The following MYO3B variants were observed in gnomAD, a reference collection of about 807,000 sequenced individuals.
The protein encoded by MYO3B is myosin-IIIb.
A neutral mutation model predicts 174.6 loss-of-function variants in MYO3B; 156 were observed. The ratio of observed to expected loss-of-function variants is 0.89; its 90% CI spans 0.78 to 1.02. The LOEUF (loss-of-function observed/expected upper bound fraction) is 1.02. MYO3B is among the 50% of genes least tolerant of loss of function. MYO3B has a pLI of 0.00. For synonymous variants in MYO3B, 563 were observed against 569.1 expected (o/e 0.99, Z 0.15); for missense variants, 1,632 against 1,639.4 (o/e 1.00, Z 0.08).
chr2:170,407,321 C>T (rs185011573), intron 21 of MYO3B, among the ~76,000 whole-genome samples: 1 of 151,990 alleles, frequency 6.6e-6, no homozygotes, highest in African/African-American at 2.4e-5. Context: ...ATTATCTGGG[C>T]GTGGTGACAT....
At position 170,289,556 on chromosome 2, in the gene MYO3B, C is replaced by CT. The variant is rs1333149518; in HGVS notation, c.750-45821dup. On this transcript the variant is annotated intron_variant, in intron 7 of 34. Coordinates refer to ENST00000408978, the MANE Select transcript of MYO3B (RefSeq NM_138995.5). ...ATTTATGAGGTCTCAGTTTTAATGT[C>CT]TTTTTTTTCATTTCTGACTTTATTT... Among the ~76,000 whole-genome samples the CT allele has an allele frequency of 6.6e-5, 10 of 151,666 alleles. 1 individual carries two copies. The East Asian group carries it at 9.7e-4, about 15-fold the overall frequency.
At chr2:170,640,691 C>T (rs1164658244) in intron 32 of MYO3B, 1 of 152,170 alleles carries the variant, frequency 6.6e-6, no homozygotes, top group Non-Finnish European at 1.5e-5. Context: ...TTAAATTCCT[C>T]TCACATTTAC....
chr2:170,515,996 T>A (rs1016189277), intron 29 of MYO3B, among the ~76,000 whole-genome samples: 1 of 152,156 alleles, frequency 6.6e-6, no homozygotes, highest in Non-Finnish European at 1.5e-5. Context: ...AAGAAGGGTG[T>A]CTGGCTATTA....
At chr2:170,595,997 A>G (rs1467955763) in intron 32 of MYO3B, among the ~76,000 whole-genome samples, 3 of 152,070 alleles carry the variant, frequency 2.0e-5, no homozygotes, top group Non-Finnish European at 2.9e-5. Context: ...TTCACCATCT[A>G]TTACACCTTT....
chr2:170,538,387 A>G (rs549873471), intron 30 of MYO3B, among the ~76,000 whole-genome samples: 90 of 152,212 alleles, frequency 5.9e-4, no homozygotes, highest in Admixed American at 1.4e-3. Context: ...CAAAATCATC[A>G]TCCCTCAATG....
At chr2:170,400,097 G>A in intron 16 of MYO3B, 91 bp from the exon 17 acceptor site, 1 of 1,534,048 alleles carries the variant, frequency 6.5e-7, no homozygotes, top group Non-Finnish European at 8.9e-7. Flanking sequence ...ATGGACTTTG[G>A]TAGACAACTA....
At chr2:170,597,882 G>C (rs1694253279) in intron 32 of MYO3B, among the ~76,000 whole-genome samples, 2 of 152,138 alleles carry the variant, frequency 1.3e-5, no homozygotes, top group African/African-American at 4.8e-5. Flanking sequence ...GAAAGATCAG[G>C]ACAATATCAG....
In MYO3B at chr2:170,407,759, T is replaced by G. The variant is rs749663413; in HGVS notation, c.2565T>G (p.Thr855=). 2.5e-6 allele frequency: 4 copies of G among 1,613,944 alleles called. No homozygotes were observed. In the Admixed American group the frequency reaches 6.7e-5, roughly 27 times the overall value. The change falls in exon 22 of 35, where the codon ACT becomes ACG. Residue 855 remains threonine, a synonymous_variant. Coordinates refer to ENST00000408978, the MANE Select transcript of MYO3B (RefSeq NM_138995.5). ...GGGTTCTTGAGAAAAATAGAGACACTCTCCCTGCCGATGTGGTTGTGGTCC... is the reference window on the plus strand; with the variant it reads ...GGGTTCTTGAGAAAAATAGAGACACGCTCCCTGCCGATGTGGTTGTGGTCC... ...ASGVLEKNRD[T]LPADVVVVLR...
chr2:170,228,214 C>T (rs1426067859), intron 6 of MYO3B, among the ~76,000 whole-genome samples: 1 of 152,162 alleles, frequency 6.6e-6, no homozygotes, highest in Non-Finnish European at 1.5e-5. Context: ...CCAAGAGATG[C>T]CTCACTCAGG....
At chr2:170,450,117 TA>T (rs1281945195) in intron 23 of MYO3B, among the ~76,000 whole-genome samples, 1 of 152,236 alleles carries the variant, frequency 6.6e-6, no homozygotes, top group Admixed American at 6.5e-5. Context: ...AAAGGCTTAA[TA>T]TACATTAAAT....
intron 30 of MYO3B, among the ~76,000 whole-genome samples, chr2:170,522,239 C>A (rs1490223630): frequency 6.6e-6 from 1 of 152,188 alleles, no homozygotes; most frequent in African/African-American, 2.4e-5. Context: ...CACACTCCTA[C>A]ACCCAACTCA....
chr2:170,303,089 A>G (rs571174536), intron 7 of MYO3B, among the ~76,000 whole-genome samples: 41 of 152,320 alleles, frequency 2.7e-4, no homozygotes, highest in African/African-American at 8.7e-4. Context: ...TAGAGCTACA[A>G]CAAAACTACT....
rs2094580049 is a variant in MYO3B, at chr2:170,416,541, A to G, written c.2650+8697A>G. Among the ~76,000 whole-genome samples, 4 of 151,242 alleles carry G rather than the reference A, an allele frequency of 2.6e-5. No individual in the cohort carries two copies. In the South Asian group the frequency reaches 8.3e-4, roughly 31 times the overall value. ...CCGTCTCAAAAAAAAAAAAAAAAAA[A>G]AAGATACCAACTAGATCATGTCATT... On this transcript the variant is annotated intron_variant, in intron 22 of 34. Coordinates refer to ENST00000408978, the MANE Select transcript of MYO3B (RefSeq NM_138995.5).
intron 32 of MYO3B, among the ~76,000 whole-genome samples, chr2:170,639,971 A>G (rs933957390): frequency 6.6e-6 from 1 of 152,194 alleles, no homozygotes; most frequent in African/African-American, 2.4e-5. Context: ...GATGGTGCCT[A>G]GAGCTTCCGC....
At chr2:170,594,748 C>G (rs1282402660) in intron 32 of MYO3B, among the ~76,000 whole-genome samples, 2 of 152,048 alleles carry the variant, frequency 1.3e-5, no homozygotes, top group Non-Finnish European at 2.9e-5. Context: ...TCACCACCTC[C>G]TCCTTGCAGC....
intron 32 of MYO3B, among the ~76,000 whole-genome samples, chr2:170,548,468 C>T (rs1040789694): frequency 6.6e-6 from 1 of 152,116 alleles, no homozygotes; most frequent in East Asian, 1.9e-4. Context: ...CTGATATTGT[C>T]GGTCTGAGGT....
chr2:170,481,462 A>G (rs190357735), intron 25 of MYO3B, among the ~76,000 whole-genome samples: 1 of 152,320 alleles, frequency 6.6e-6, no homozygotes. Context: ...CTGTGGTCCT[A>G]GCTACTTGGT....
At chr2:170,593,102 AAGAG>A (rs550847703) in intron 32 of MYO3B, among the ~76,000 whole-genome samples, 344 of 151,554 alleles carry the variant, frequency 2.3e-3, no homozygotes, top group African/African-American at 7.1e-3. Flanking sequence ...GATTTCTAGA[AAGAG>A]AGAGAGAGAG....
intron 8 of MYO3B, among the ~76,000 whole-genome samples, chr2:170,359,308 C>T (rs920725583): frequency 2.6e-5 from 4 of 152,160 alleles, no homozygotes; most frequent in Admixed American, 2.0e-4. Flanking sequence ...ACACTCTTGA[C>T]TTGTCTTCAA....
Sources: gnomAD v4.1 joint callset for allele counts (sites outside exome capture counted in the v4.1 genomes callset) on GRCh38, gnomAD v4.1.1 for gene constraint, MANE v1.5 for transcripts, NCBI Gene and HGNC (gene_info 2026-07-23, HGNC 2026-07-21) for gene names.